The following ACOT12 variants were observed in gnomAD, a reference collection of about 807,000 sequenced individuals.
ACOT12 encodes the protein acetyl-coenzyme A thioesterase.
Under a neutral mutation model 67.7 loss-of-function variants are expected in ACOT12, and 51 were observed. The ratio of observed to expected loss-of-function variants is 0.75; its 90% CI spans 0.60 to 0.95. The LOEUF is 0.95. ACOT12 is among the 40% of genes least tolerant of loss of function. The pLI, the probability that ACOT12 is intolerant of heterozygous loss-of-function variation, is 0.00. For synonymous variants in ACOT12, 251 were observed against 244.6 expected (o/e 1.03, Z -0.24); for missense variants, 734 against 708.1 (o/e 1.04, Z -0.41).
At chr5:81,352,098 G>T (rs982132753) in intron 5 of ACOT12, among the ~76,000 whole-genome samples, 1 of 152,114 alleles carries the variant, frequency 6.6e-6, no homozygotes, top group Non-Finnish European at 1.5e-5. Flanking sequence ...CCCAAAGACA[G>T]GCAATAACCA....
Position 81,339,028 on chromosome 5 carries a change from C to A in ACOT12, c.1129-3127G>T, listed in dbSNP as rs371901185. ...CCCAGGAGGGGGAGTTGTAGTGAACCGAGATCACACCACTGCACTCCAACC... is the reference window on the plus strand; with the variant it reads ...CCCAGGAGGGGGAGTTGTAGTGAACAGAGATCACACCACTGCACTCCAACC... On this transcript the variant is annotated intron_variant, in intron 11 of 14. Coordinates refer to ENST00000307624, the MANE Select transcript of ACOT12 (RefSeq NM_130767.3). Among the ~76,000 whole-genome samples, 5 of 151,906 alleles carry A rather than the reference C, an allele frequency of 3.3e-5. No individual in the cohort carries two copies. The South Asian group carries it at 8.3e-4, about 25-fold the overall frequency.
At chr5:81,344,036 G>A (rs1195747572) in intron 9 of ACOT12, 124 bp downstream of exon 9, 24 of 1,269,356 alleles carry the variant, frequency 1.9e-5, no homozygotes, top group Non-Finnish European at 2.5e-5. Context: ...CAGCCTTTGC[G>A]GCCAGGAAAC....
chr5:81,312,675 C>T, the ACOT12 span: 1 of 1,576,560 alleles, frequency 6.3e-7, no homozygotes, highest in Non-Finnish European at 8.7e-7. Context: ...ACAGCTAGCA[C>T]TATCATGAGT....
intron 1 of ACOT12, among the ~76,000 whole-genome samples, chr5:81,390,531 A>G (rs1271380754): frequency 2.8e-5 from 4 of 144,224 alleles, no homozygotes; most frequent in Non-Finnish European, 6.3e-5. Flanking sequence ...CTCATTCTCA[A>G]ATGAGACTCC....
intron 1 of ACOT12, among the ~76,000 whole-genome samples, chr5:81,390,647 G>T (rs1760838018): frequency 1.3e-5 from 2 of 150,906 alleles, no homozygotes; most frequent in South Asian, 4.3e-4. Context: ...GGGATTAAAA[G>T]CACCTGCCAC....
chr5:81,385,959 A>G, intron 1 of ACOT12, 133 bp from the exon 2 acceptor site: 1 of 750,778 alleles, frequency 1.3e-6, no homozygotes, highest in Non-Finnish European at 2.2e-6. Flanking sequence ...CACTGTGCCT[A>G]CACTTTCTGG....
chr5:81,335,515 CCACCATGTCCAG>C (rs1286810499), intron 12 of ACOT12, among the ~76,000 whole-genome samples: 1 of 152,146 alleles, frequency 6.6e-6, no homozygotes, highest in Non-Finnish European at 1.5e-5. Flanking sequence ...CAGGCATGCA[CCACCATGTCCAG>C]CTAATTTTTG....
chr5:81,319,671 A>C, the ACOT12 span, among the ~76,000 whole-genome samples: 2 of 151,488 alleles, frequency 1.3e-5, no homozygotes, highest in Admixed American at 1.3e-4. Context: ...GAGCTGAGAT[A>C]GCGCCATTGC....
downstream of ACOT12, among the ~76,000 whole-genome samples, chr5:81,329,262 A>C (rs1040961612): frequency 6.6e-6 from 1 of 152,232 alleles, no homozygotes; most frequent in Non-Finnish European, 1.5e-5. Context: ...CTCCTTCATT[A>C]CTAATTTTGT....
the ACOT12 span, chr5:81,309,292 G>A: frequency 2.9e-6 from 1 of 349,326 alleles, no homozygotes; most frequent in South Asian, 7.4e-5. Flanking sequence ...GTGAGACTAT[G>A]TCATACATTT....
rs527240545 is a variant in ACOT12 at position 81,366,693 on chromosome 5, C to T, written c.259-2804G>A. Among the ~76,000 whole-genome samples the T allele has an allele frequency of 6.3e-4, 96 of 151,600 alleles. 1 individual carries two copies. Among genetic ancestry groups the T allele is most frequent in the African/African-American group, 2.2e-3 (89 of 41,320 alleles). On this transcript the variant is annotated intron_variant, in intron 3 of 14. Coordinates refer to ENST00000307624, the MANE Select transcript of ACOT12 (RefSeq NM_130767.3). ...AAAGATGAAAATAATGAGGAAAGAA[C>T]GGAAAATATAAAAAAATCAAAGTGG...
the ACOT12 span, among the ~76,000 whole-genome samples, chr5:81,318,882 C>T: frequency 6.6e-6 from 1 of 152,318 alleles, no homozygotes; most frequent in Admixed American, 6.5e-5. Flanking sequence ...TTCCAGAGAA[C>T]TGCCAAGCAG....
chr5:81,389,804 GGTGTGAGC>G (rs1760817372), intron 1 of ACOT12, among the ~76,000 whole-genome samples: 1 of 151,840 alleles, frequency 6.6e-6, no homozygotes, highest in Non-Finnish European at 1.5e-5. Context: ...TGGGATTACA[GGTGTGAGC>G]CACCAGGCCC....
chr5:81,327,145 TTA>T (rs1480322740), downstream of ACOT12, among the ~76,000 whole-genome samples: 5 of 147,858 alleles, frequency 3.4e-5, no homozygotes, highest in African/African-American at 1.0e-4. Context: ...AACCATGTGA[TTA>T]TATATATGTG....
chr5:81,383,916 G>A (rs1167827778), intron 2 of ACOT12, among the ~76,000 whole-genome samples: 4 of 151,898 alleles, frequency 2.6e-5, no homozygotes, highest in Admixed American at 1.3e-4. Flanking sequence ...ATAATCTAAG[G>A]TTAATTCATA....
At chr5:81,336,384 A>C in intron 11 of ACOT12, among the ~76,000 whole-genome samples, 1 of 152,178 alleles carries the variant, frequency 6.6e-6, no homozygotes, top group East Asian at 1.9e-4. Flanking sequence ...TGAATCAACC[A>C]CTTCTAGAAC....
At chr5:81,358,355 AG>A (rs1211796285) in intron 5 of ACOT12, among the ~76,000 whole-genome samples, 1 of 152,184 alleles carries the variant, frequency 6.6e-6, no homozygotes, top group Non-Finnish European at 1.5e-5. Context: ...AGGAGACAGC[AG>A]GGTTTTGTTT....
chr5:81,310,192 A>T, the ACOT12 span, among the ~76,000 whole-genome samples: 1 of 149,170 alleles, frequency 6.7e-6, no homozygotes, highest in Non-Finnish European at 1.5e-5. Flanking sequence ...TAATGCAGCA[A>T]GGAGAGTAGA....
rs371080955 is a variant in ACOT12, at chr5:81,357,265, A to G, written c.496+2638T>C. Reference sequence around the variant, plus strand: ...TCTATTCACTTACTATATTATTTAGAAACTATTAATATGTCTGTCTCCAGC... The same window carrying G: ...TCTATTCACTTACTATATTATTTAGGAACTATTAATATGTCTGTCTCCAGC... On this transcript the variant is annotated intron_variant, in intron 5 of 14. Transcript: ENST00000307624. Among the ~76,000 whole-genome samples, 8 of 152,156 alleles carry G rather than the reference A, an allele frequency of 5.3e-5. No homozygotes were observed. In the East Asian group the frequency reaches 1.2e-3, roughly 22 times the overall value.
Sources: allele counts gnomAD v4.1 joint callset (sites outside exome capture counted in the v4.1 genomes callset), GRCh38; gene constraint gnomAD v4.1.1; transcripts MANE v1.5; gene names NCBI Gene and HGNC (gene_info 2026-07-23, HGNC 2026-07-21).